ZNF124: variants seen among roughly 807,000 people sequenced by gnomAD.
The protein encoded by ZNF124 is zinc finger protein HZF-16.
In ZNF124, 25 loss-of-function variants were observed where a neutral mutation model predicts 26.6. That is an observed-to-expected ratio of 0.94 (90% confidence interval 0.68 to 1.31). ZNF124 has a LOEUF of 1.31. Among genes scored for constraint, ZNF124 ranks in the 40% most tolerant of loss-of-function variants. ZNF124 has a pLI of 0.00. For missense variants in ZNF124, 444 were observed against 422.2 expected (o/e 1.05, Z -0.45); for synonymous variants, 129 against 133.3 (o/e 0.97, Z 0.22).
At chr1:247,154,734 C>T (rs529875408), downstream of ZNF124, among the ~76,000 whole-genome samples, 1 of 152,222 alleles carries the variant, frequency 6.6e-6, no homozygotes, top group South Asian at 2.1e-4. Flanking sequence ...CACAGTGGCT[C>T]ACATCTGTAA....
chr1:247,128,150 C>G (rs934989114), intron 3 of ZNF124, among the ~76,000 whole-genome samples: 7 of 152,206 alleles, frequency 4.6e-5, no homozygotes, highest in African/African-American at 1.7e-4. Flanking sequence ...GAACCAGATG[C>G]AGTATTGTAA....
At chr1:247,124,719 T>TTG (rs769103093) in intron 3 of ZNF124, among the ~76,000 whole-genome samples, 4 of 152,040 alleles carry the variant, frequency 2.6e-5, no homozygotes, top group Non-Finnish European at 1.5e-5. Context: ...TATGTGGGGT[T>TTG]TGTGTGTGTG....
At chr1:247,153,749 G>A (rs551618979), downstream of ZNF124, among the ~76,000 whole-genome samples, 99 of 152,258 alleles carry the variant, frequency 6.5e-4, no homozygotes, top group Admixed American at 2.3e-3. Context: ...TGAAGTTAGC[G>A]TCCATAAGAA....
At chr1:247,139,562 C>T (rs969195636) in intron 3 of ZNF124, among the ~76,000 whole-genome samples, 1 of 152,146 alleles carries the variant, frequency 6.6e-6, no homozygotes, top group Non-Finnish European at 1.5e-5. Flanking sequence ...ATTATGCTGA[C>T]TTGTTTGTGT....
intron 3 of ZNF124, among the ~76,000 whole-genome samples, chr1:247,144,331 T>C (rs1320335588): frequency 6.6e-6 from 1 of 152,150 alleles, no homozygotes. Flanking sequence ...CCAGATGAAA[T>C]AGCGACAAAA....
At chr1:247,123,565 G>A (rs192014640) in exon 4 of ZNF124, 5 of 374,646 alleles carry the variant, frequency 1.3e-5, no homozygotes, top group African/African-American at 1.0e-4. Flanking sequence ...TCCTAAATTA[G>A]CAAATCGACC....
At chr1:247,138,040 A>G (rs549473849) in intron 3 of ZNF124, 7 of 152,368 alleles carry the variant, frequency 4.6e-5, no homozygotes, top group Admixed American at 1.3e-4. Context: ...TGTGGAAGAC[A>G]GTGTGGCGAT....
chr1:247,161,947 G>T (rs999192261), intron 1 of ZNF124, among the ~76,000 whole-genome samples: 10 of 152,210 alleles, frequency 6.6e-5, no homozygotes, highest in African/African-American at 2.4e-4. Context: ...CTAATGTCCA[G>T]AAAATTTATT....
In ZNF124 at chr1:247,142,278, T is replaced by G. The variant is rs200898401; in HGVS notation, c.218+16728A>C. Among the ~76,000 whole-genome samples the G allele has an allele frequency of 2.0e-5, 3 of 152,202 alleles. No homozygotes were observed. In the East Asian group the frequency reaches 5.8e-4, roughly 29 times the overall value. Reference sequence around the variant, plus strand: ...AGCAGTGACAACTTTAGACACACCATGTTAATAACAGAACCTGTGGTGGTT... The same window carrying G: ...AGCAGTGACAACTTTAGACACACCAGGTTAATAACAGAACCTGTGGTGGTT... On this transcript the variant is annotated intron_variant, in intron 3 of 3. Coordinates refer to the ZNF124 transcript ENST00000472531.
downstream of ZNF124, among the ~76,000 whole-genome samples, chr1:247,151,275 C>G (rs1000864253): frequency 2.0e-5 from 3 of 151,932 alleles, no homozygotes; most frequent in Non-Finnish European, 2.9e-5. Flanking sequence ...GTCAGGAAAT[C>G]GAGACCATCC....
downstream of ZNF124, among the ~76,000 whole-genome samples, chr1:247,151,840 T>C (rs1289372639): frequency 9.9e-6 from 1 of 101,162 alleles, no homozygotes; most frequent in Non-Finnish European, 2.3e-5. Flanking sequence ...CAAAACAACA[T>C]GCAGAATTAC....
At chr1:247,139,027 TG>T (rs1303028650) in intron 3 of ZNF124, among the ~76,000 whole-genome samples, 1 of 152,228 alleles carries the variant, frequency 6.6e-6, no homozygotes, top group Non-Finnish European at 1.5e-5. Context: ...CAAGTTGTCC[TG>T]CTTTTGCTTT....
chr1:247,145,684 A>G (rs1672756947), intron 3 of ZNF124, among the ~76,000 whole-genome samples: 1 of 151,068 alleles, frequency 6.6e-6, no homozygotes, highest in South Asian at 2.1e-4. Context: ...GCTGGAGTGC[A>G]GTGGTGCATT....
intron 3 of ZNF124, among the ~76,000 whole-genome samples, chr1:247,158,642 T>TC (rs201832465): frequency 7.2e-5 from 11 of 152,002 alleles, no homozygotes; most frequent in South Asian, 4.2e-4. Context: ...TTTTTTTTTT[T>TC]CCCCGAGATG....
chr1:247,169,234 A>G (rs1673954149), intron 1 of ZNF124, among the ~76,000 whole-genome samples: 1 of 152,118 alleles, frequency 6.6e-6, no homozygotes, highest in African/African-American at 2.4e-5. Flanking sequence ...TTTGACTCAC[A>G]TGTCAAGTAA....
intron 3 of ZNF124, among the ~76,000 whole-genome samples, chr1:247,158,680 A>G (rs915526366): frequency 1.3e-5 from 2 of 151,066 alleles, no homozygotes; most frequent in Non-Finnish European, 2.9e-5. Context: ...CCCTGGCTGG[A>G]GTGCAATGGC....
At chr1:247,144,874 C>T (rs1463454701) in intron 3 of ZNF124, among the ~76,000 whole-genome samples, 1 of 151,698 alleles carries the variant, frequency 6.6e-6, no homozygotes, top group Non-Finnish European at 1.5e-5. Flanking sequence ...CTCCCAGGTT[C>T]AAGCAATTCT....
rs1673204754 is a variant in ZNF124 at position 247,157,265 on chromosome 1, A to T, written c.357T>A (p.Asn119Lys). ...VHRDTVMHTG[N>K]GHYGCTICEK... Reference sequence around the variant, plus strand: ...CACATATTGTACAACCATAATGTCCATTTCCAGTGTGCATTACTGTGTCTC... The same window carrying T: ...CACATATTGTACAACCATAATGTCCTTTTCCAGTGTGCATTACTGTGTCTC... The change falls in exon 4 of 4, where the codon AAT (asparagine) becomes AAA (lysine). Residue 119 changes from asparagine (N) to lysine (K), a missense_variant. Asn to Lys is a moderately conservative substitution (Grantham distance 94, BLOSUM62 0). Transcript: ENST00000543802. 2.5e-6 allele frequency: 4 copies of T among 1,612,836 alleles called. No individual in the cohort carries two copies. Among genetic ancestry groups the T allele is most frequent in the Non-Finnish European group, 3.4e-6 (4 of 1,179,234 alleles).
Position 247,159,866 on chromosome 1 carries a change from A to G in ZNF124, c.31-53T>C, listed in dbSNP as rs916530694. On this transcript the variant is annotated intron_variant, in intron 1 of 3. Transcript: ENST00000543802. ...ATGGATGAGACTGAAAGCACTGGAA[A>G]TCTGTAGTCAATTTATAAGATGTTC... 61 of 1,563,716 alleles carry G rather than the reference A, an allele frequency of 3.9e-5. No individual in the cohort carries two copies. The African/African-American group carries it at 6.6e-4, about 17-fold the overall frequency.
Sources: gnomAD v4.1 joint callset for allele counts (sites outside exome capture counted in the v4.1 genomes callset) on GRCh38, gnomAD v4.1.1 for gene constraint, MANE v1.5 for transcripts, NCBI Gene and HGNC (gene_info 2026-07-23, HGNC 2026-07-21) for gene names.